The following KLK5 variants were observed in gnomAD, a reference collection of about 807,000 sequenced individuals.
KLK5 encodes kallikrein related peptidase 5.
Under a neutral mutation model 24.0 loss-of-function variants are expected in KLK5, and 18 were observed. That is an observed-to-expected ratio of 0.75 (90% CI 0.52 to 1.11). KLK5 has a LOEUF of 1.11. Ranked by LOEUF, KLK5 falls within the 50% of genes most tolerant of loss-of-function variation. The pLI, the probability that KLK5 is intolerant of heterozygous loss-of-function variation, is 0.00. For synonymous variants in KLK5, 140 were observed against 154.0 expected, an observed-to-expected ratio of 0.91 and a Z score of 0.67; for missense variants, 374 against 379.2, an observed-to-expected ratio of 0.99 and a Z score of 0.11.
chr19:50,943,721 G>A lies in KLK5; in HGVS notation c.792C>T (p.Tyr264=). Residue 264 remains tyrosine, a synonymous_variant, in exon 6 of 6, where the codon TAC becomes TAT. Transcript: ENST00000336334. ...SLQGLVSWGD[Y]PCARPNRPGV... is the part of the protein sequence containing the mutation. ...CCGGTCTGTTGGGCCGGGCACAAGG[G>A]TAATCTCCCCAGGACACGAGTCCCT... is the stretch of plus-strand genomic sequence containing the variant. 1 of 1,613,952 alleles carries A rather than the reference G, an allele frequency of 6.2e-7. No homozygotes were observed.
Position 50,948,633 on chromosome 19 carries a change from T to C in KLK5, c.726+7A>G. ...TGTATCTGCTGAATAAAGAGAGGTG[T>C]CCTCACCTGGCAGGAGTCTCTACCT... On this transcript the variant is annotated splice_region_variant and intron_variant, in intron 5 of 5. Transcript: ENST00000336334. 1 of 1,614,064 alleles carries C rather than the reference T, an allele frequency of 6.2e-7. No individual in the cohort carries two copies. The highest frequency in any genetic ancestry group is 8.5e-7 in the Non-Finnish European group (1 of 1,180,000).
intron 5 of KLK5, among the ~76,000 whole-genome samples, chr19:50,948,381 C>T (rs1409772170): frequency 6.6e-6 from 1 of 152,146 alleles, no homozygotes; most frequent in African/African-American, 2.4e-5. Flanking sequence ...CCTCAGCCTC[C>T]CAAAGTGCTG....
At position 50,950,134 on chromosome 19, in the gene KLK5, G is replaced by A; in HGVS notation, c.74-18C>T. ...AACATGCTCTGGGAACGGAAAATGGGTTGGGCGGGGCTCAGAGGCGGGGCT... is the reference window on the plus strand; with the variant it reads ...AACATGCTCTGGGAACGGAAAATGGATTGGGCGGGGCTCAGAGGCGGGGCT... On this transcript the variant is annotated intron_variant, in intron 2 of 5. Transcript: ENST00000336334. 3 of 1,596,672 alleles carry A rather than the reference G, an allele frequency of 1.9e-6. No homozygotes were observed. The highest frequency in any genetic ancestry group is 2.2e-5 in the South Asian group (2 of 90,872).
Position 50,948,665 on chromosome 19 carries a change from T to C in KLK5, c.701A>G (p.Asp234Gly). Residue 234 changes from aspartate to glycine, a missense_variant, in exon 5 of 6, where the codon GAC becomes GGC. Coordinates refer to ENST00000336334, the MANE Select transcript of KLK5 (RefSeq NM_012427.5). ...QIDDTMFCAGDKAGRDSCQGD... is the reference protein window; with the variant it reads ...QIDDTMFCAGGKAGRDSCQGD... ...CTGGCAGGAGTCTCTACCTGCTTTG[T>C]CACCGGCGCAGAACATGGTGTCATC... The C allele has an allele frequency of 1.2e-6, 2 of 1,614,128 alleles. No homozygotes were observed. Among genetic ancestry groups the C allele is most frequent in the Non-Finnish European group, 1.7e-6 (2 of 1,180,024 alleles).
chr19:50,944,088 C>T lies in KLK5; in HGVS notation c.727-302G>A, dbSNP rs146261764. Among the ~76,000 whole-genome samples the T allele has an allele frequency of 3.4e-3, 524 of 152,040 alleles. 7 individuals carry two copies. Among genetic ancestry groups the T allele is most frequent in the African/African-American group, 0.012 (494 of 41,476 alleles). Reference sequence around the variant, plus strand: ...GCCTGACCTCAGCTCACTGCAGCCTCCATCTCCCGGGTTCAAGCAATTCTC... The same window carrying T: ...GCCTGACCTCAGCTCACTGCAGCCTTCATCTCCCGGGTTCAAGCAATTCTC... On this transcript the variant is annotated intron_variant, in intron 5 of 5. Coordinates refer to ENST00000336334, the MANE Select transcript of KLK5 (RefSeq NM_012427.5).
At chr19:50,949,213 C>G in intron 3 of KLK5, 98 bp from the exon 4 acceptor site, 1 of 1,240,820 alleles carries the variant, frequency 8.1e-7, no homozygotes, top group Non-Finnish European at 1.1e-6. Flanking sequence ...CACCCCCATC[C>G]CCACCCCCGG....
chr19:50,952,150 G>C (rs1316013383), intron 2 of KLK5, among the ~76,000 whole-genome samples: 2 of 58,814 alleles, frequency 3.4e-5, no homozygotes, highest in East Asian at 3.1e-3. Context: ...GACCACTTTT[G>C]TTGCACGCAA....
chr19:50,946,833 A>T (rs865859920), intron 5 of KLK5, among the ~76,000 whole-genome samples: 4 of 152,294 alleles, frequency 2.6e-5, no homozygotes, highest in Non-Finnish European at 5.9e-5. Flanking sequence ...TGTTGGGATT[A>T]CAGGTGTGAG....
intron 5 of KLK5, among the ~76,000 whole-genome samples, chr19:50,946,403 C>T (rs2123560023): frequency 6.6e-6 from 1 of 151,968 alleles, no homozygotes; most frequent in East Asian, 2.0e-4. Flanking sequence ...TTATTTCTTG[C>T]TTGTAGCTTT....
At chr19:50,949,484 A>C in intron 3 of KLK5, among the ~76,000 whole-genome samples, 2 of 147,466 alleles carry the variant, frequency 1.4e-5, no homozygotes, top group African/African-American at 2.5e-5. Flanking sequence ...ATTTTCACCC[A>C]CCCCCAATTC....
Position 50,943,637 on chromosome 19 carries a change from G to A in KLK5, c.876C>T (p.Asn292=), listed in dbSNP as rs1295128788. 3 of 1,613,784 alleles carry A rather than the reference G, an allele frequency of 1.9e-6. No individual in the cohort carries two copies. The highest frequency in any genetic ancestry group is 1.7e-6 in the Non-Finnish European group (2 of 1,179,764). ...TKWIQETIQA[N]S is the part of the protein sequence containing the mutation. Reference sequence around the variant, plus strand: ...TGCTGAGTCCTGGGATGACTCAGGAGTTGGCCTGGATGGTTTCCTGGATCC... The same window carrying A: ...TGCTGAGTCCTGGGATGACTCAGGAATTGGCCTGGATGGTTTCCTGGATCC... Residue 292 remains asparagine, a synonymous_variant, in exon 6 of 6, where the codon AAC becomes AAT. Coordinates refer to ENST00000336334, the MANE Select transcript of KLK5 (RefSeq NM_012427.5).
At chr19:50,944,772 T>C (rs2090616221) in intron 5 of KLK5, among the ~76,000 whole-genome samples, 1 of 152,170 alleles carries the variant, frequency 6.6e-6, no homozygotes, top group African/African-American at 2.4e-5. Flanking sequence ...CAACCAAAAA[T>C]GTCTCCTGGT....
chr19:50,951,068 C>G (rs371598574), intron 2 of KLK5, among the ~76,000 whole-genome samples: 2 of 151,794 alleles, frequency 1.3e-5, no homozygotes, highest in Admixed American at 1.3e-4. Context: ...GCTAGGGTTC[C>G]GAAAGCAGGA....
intron 5 of KLK5, among the ~76,000 whole-genome samples, chr19:50,948,423 T>A (rs1425442974): frequency 3.3e-5 from 5 of 152,138 alleles, no homozygotes; most frequent in African/African-American, 4.8e-5. Flanking sequence ...GCGCCCAGCC[T>A]TTTTTACCTG....
At chr19:50,949,383 C>T (rs373801310) in intron 3 of KLK5, among the ~76,000 whole-genome samples, 19 of 151,830 alleles carry the variant, frequency 1.3e-4, no homozygotes, top group East Asian at 9.7e-4. Flanking sequence ...ATCTCCAACC[C>T]CACCCAAAAC....
At position 50,949,079 on chromosome 19, in the gene KLK5, T is replaced by C. The variant is rs1487650165; in HGVS notation, c.372A>G (p.Ser124=). 6.2e-7 allele frequency: 1 copy of C among 1,613,408 alleles called. No homozygotes were observed. Among genetic ancestry groups the C allele is most frequent in the Non-Finnish European group, 8.5e-7 (1 of 1,179,946 alleles). The change falls in exon 4 of 6, where the codon TCA becomes TCG. Residue 124 remains serine, a synonymous_variant. Transcript: ENST00000336334. ...TCTGCTGCCCAGATTCATAAACTGGTGACAGGGAGTAGTGGCCGAGACGGA... is the reference window on the plus strand; with the variant it reads ...TCTGCTGCCCAGATTCATAAACTGGCGACAGGGAGTAGTGGCCGAGACGGA... ...FRVRLGHYSL[S]PVYESGQQMF...
intron 2 of KLK5, among the ~76,000 whole-genome samples, chr19:50,952,247 A>G (rs1381493725): frequency 1.1e-5 from 1 of 91,688 alleles, no homozygotes; most frequent in Non-Finnish European, 2.2e-5. Context: ...CACAGTGAAC[A>G]CCCCCAGTGC....
intron 5 of KLK5, among the ~76,000 whole-genome samples, chr19:50,945,069 TCCTTCCTTTCTC>T (rs1363916546): frequency 7.3e-6 from 1 of 137,250 alleles, no homozygotes; most frequent in Non-Finnish European, 1.5e-5. Flanking sequence ...TCTCCTTCCT[TCCTTCCTTTCTC>T]TCTCCTTCCT....
Position 50,952,780 on chromosome 19 carries a change from C to G in KLK5, c.-45G>C. The G allele has an allele frequency of 1.6e-6, 1 of 624,528 alleles. No individual in the cohort carries two copies. Among genetic ancestry groups the G allele is most frequent in the Non-Finnish European group, 2.7e-6 (1 of 376,450 alleles). 38.7% of individuals were successfully genotyped at this position (624,528 alleles called of 1,614,324 possible). ...CCCAGGTAGAGAGGAACCACAAGGA[C>G]GGGCCACCATCGGCACTGCGCTGAG... On this transcript the variant is annotated 5_prime_UTR_variant, in exon 1 of 6. Transcript: ENST00000336334.
Sources: allele counts gnomAD v4.1 joint callset (sites outside exome capture counted in the v4.1 genomes callset), GRCh38; gene constraint gnomAD v4.1.1; transcripts MANE v1.5; gene names NCBI Gene and HGNC (gene_info 2026-07-23, HGNC 2026-07-21).